The following CDCA4 variants were observed in gnomAD, a reference collection of about 807,000 sequenced individuals.
CDCA4 encodes cell division cycle associated 4, also known as cell division cycle-associated protein 4.
For synonymous variants in CDCA4, 130 were observed against 137.0 expected, an observed-to-expected ratio of 0.95 and a Z score of 0.36; for missense variants, 294 against 322.1, an observed-to-expected ratio of 0.91 and a Z score of 0.67.
At chr14:105,017,356 G>A in intron 1 of CDCA4, among the ~76,000 whole-genome samples, 1 of 152,094 alleles carries the variant, frequency 6.6e-6, no homozygotes, top group South Asian at 2.1e-4. Flanking sequence ...CCGAGTAGCT[G>A]GGATTATAGG....
intron 1 of CDCA4, among the ~76,000 whole-genome samples, chr14:105,012,770 G>A (rs1269619718): frequency 2.0e-5 from 3 of 151,764 alleles, no homozygotes; most frequent in Non-Finnish European, 2.9e-5. Flanking sequence ...TTTCTCCCAA[G>A]GTGCACAGGC....
At chr14:105,019,714 G>GT (rs35462602) in intron 1 of CDCA4, among the ~76,000 whole-genome samples, 111 of 151,670 alleles carry the variant, frequency 7.3e-4, no homozygotes, top group Admixed American at 1.2e-3. Context: ...CAGGTATTTG[G>GT]TTTTTTTTGT....
intron 1 of CDCA4, among the ~76,000 whole-genome samples, chr14:105,020,159 G>A (rs1188609157): frequency 6.6e-6 from 1 of 152,196 alleles, no homozygotes; most frequent in Non-Finnish European, 1.5e-5. Flanking sequence ...AACTCACTTT[G>A]TATTCTGGAT....
rs1013183597 is a variant in CDCA4 at position 105,010,061 on chromosome 14, A to G, written c.*1143T>C. On this transcript the variant is annotated 3_prime_UTR_variant, in exon 2 of 2. Coordinates refer to ENST00000336219, the MANE Select transcript of CDCA4 (RefSeq NM_017955.4). The stretch of plus-strand genomic sequence containing the variant: ...GTGAGGAAGTTAGAGAAAGCATGAG[A>G]AACAGGGAGCATGTGGGGTGAGGCG... The G allele has an allele frequency of 6.6e-6, 1 of 152,614 alleles. No homozygotes were observed. The highest frequency in any genetic ancestry group is 1.5e-5 in the Non-Finnish European group (1 of 68,070). 9.5% of individuals were successfully genotyped at this position (152,614 alleles called of 1,614,324 possible).
intron 1 of CDCA4, among the ~76,000 whole-genome samples, chr14:105,020,564 G>A (rs1176742329): frequency 6.6e-6 from 1 of 152,180 alleles, no homozygotes; most frequent in Admixed American, 6.5e-5. Flanking sequence ...CCACATCCGC[G>A]GCCCTCTCCG....
At chr14:105,016,180 C>T (rs1206098974) in intron 1 of CDCA4, among the ~76,000 whole-genome samples, 2 of 152,216 alleles carry the variant, frequency 1.3e-5, no homozygotes, top group Non-Finnish European at 2.9e-5. Context: ...CCACAGCTCA[C>T]CATAGACAAT....
At chr14:105,015,961 G>A (rs1900642679) in intron 1 of CDCA4, among the ~76,000 whole-genome samples, 2 of 152,174 alleles carry the variant, frequency 1.3e-5, no homozygotes, top group Admixed American at 1.3e-4. Flanking sequence ...TGCCAGGCCA[G>A]GAGCCCCACT....
At chr14:105,015,724 G>A (rs1476210003) in intron 1 of CDCA4, among the ~76,000 whole-genome samples, 1 of 151,860 alleles carries the variant, frequency 6.6e-6, no homozygotes, top group Non-Finnish European at 1.5e-5. Context: ...GAGTGCAGTG[G>A]CGCAATCTCA....
chr14:105,019,964 A>T (rs536820806), intron 1 of CDCA4, among the ~76,000 whole-genome samples: 57 of 152,328 alleles, frequency 3.7e-4, no homozygotes, highest in African/African-American at 1.4e-3. Flanking sequence ...CCACCCGCCT[A>T]GGCCTCCTCT....
chr14:105,018,964 T>C (rs2140912126), intron 1 of CDCA4, among the ~76,000 whole-genome samples: 1 of 152,202 alleles, frequency 6.6e-6, no homozygotes, highest in South Asian at 2.1e-4. Flanking sequence ...CTCGAACTCC[T>C]GAACTCAGGC....
In CDCA4 at chr14:105,011,011, C is replaced by T. The variant is rs1885938626; in HGVS notation, c.*193G>A. On this transcript the variant is annotated 3_prime_UTR_variant, in exon 2 of 2. Coordinates refer to ENST00000336219, the MANE Select transcript of CDCA4 (RefSeq NM_017955.4). ...GCCTTCCAGAACAGCCTCTGCCTGG[C>T]GCTCCACAGGGGGGAGGTGAGTGGG... The T allele has an allele frequency of 4.6e-6, 3 of 651,222 alleles. No homozygotes were observed. Among genetic ancestry groups the T allele is most frequent in the East Asian group, 2.8e-5 (1 of 35,918 alleles). The allele number at this position is 651,222 out of a possible 1,614,324, so 40.3% of individuals were successfully genotyped here.
chr14:105,011,201 T>C lies in CDCA4; in HGVS notation c.*3A>G, dbSNP rs1474009417. On this transcript the variant is annotated 3_prime_UTR_variant, in exon 2 of 2. Coordinates refer to ENST00000336219, the MANE Select transcript of CDCA4 (RefSeq NM_017955.4). ...GGCGGCTGTGAGCACTCAGGGCTCCTGCTCAGGTCTCCACCAGGATCTCCA... is the reference window on the plus strand; with the variant it reads ...GGCGGCTGTGAGCACTCAGGGCTCCCGCTCAGGTCTCCACCAGGATCTCCA... 2 of 1,603,278 alleles carry C rather than the reference T, an allele frequency of 1.2e-6. No homozygotes were observed. Among genetic ancestry groups the C allele is most frequent in the Non-Finnish European group, 1.7e-6 (2 of 1,174,532 alleles).
intron 1 of CDCA4, among the ~76,000 whole-genome samples, chr14:105,015,927 TGGGACTACA>T (rs1900641144): frequency 1.3e-5 from 2 of 151,818 alleles, no homozygotes; most frequent in Admixed American, 1.3e-4. Flanking sequence ...CCCAAAGTGC[TGGGACTACA>T]GGCGTCAGCC....
In CDCA4 at chr14:105,011,090, A is replaced by C. The variant is rs1900485294; in HGVS notation, c.*114T>G. ...AATGGGCTGTTCTGGGATTTCTCAGAATCAGCAGACAGGGCAGCAAGGCTG... is the reference window on the plus strand; with the variant it reads ...AATGGGCTGTTCTGGGATTTCTCAGCATCAGCAGACAGGGCAGCAAGGCTG... On this transcript the variant is annotated 3_prime_UTR_variant, in exon 2 of 2. Coordinates refer to ENST00000336219, the MANE Select transcript of CDCA4 (RefSeq NM_017955.4). 1.6e-6 allele frequency: 2 copies of C among 1,272,708 alleles called. No homozygotes were observed. The highest frequency in any genetic ancestry group is 2.7e-5 in the Admixed American group (1 of 36,412). The allele number at this position is 1,272,708 out of a possible 1,614,324, so 78.8% of individuals were successfully genotyped here. A position where few individuals can be genotyped will look rare whatever the true frequency, so the allele number is the denominator to read the frequency against.
At position 105,012,940 on chromosome 14, in the gene CDCA4, C is replaced by T. The variant is rs576176702; in HGVS notation, c.-6-1005G>A. Among the ~76,000 whole-genome samples, 82 of 141,864 alleles carry T rather than the reference C, an allele frequency of 5.8e-4. 1 individual carries two copies. The highest frequency in any genetic ancestry group is 1.9e-3 in the African/African-American group (73 of 39,356). The allele number at this position is 141,864 out of a possible 152,430, so 93.1% of individuals were successfully genotyped here. On this transcript the variant is annotated intron_variant, in intron 1 of 1. Coordinates refer to ENST00000336219, the MANE Select transcript of CDCA4 (RefSeq NM_017955.4). ...AAACATGGCAGGGTATGTGTGTGTC[C>T]GGGGCAGGGGGGGTGGGTTCCTCAC...
Position 105,012,805 on chromosome 14 carries a change from C to T in CDCA4, c.-6-870G>A, listed in dbSNP as rs554623471. Among the ~76,000 whole-genome samples the T allele has an allele frequency of 2.6e-5, 4 of 152,304 alleles. No homozygotes were observed. In the South Asian group the frequency reaches 8.3e-4, roughly 32 times the overall value. On this transcript the variant is annotated intron_variant, in intron 1 of 1. Coordinates refer to ENST00000336219, the MANE Select transcript of CDCA4 (RefSeq NM_017955.4). ...CTCTGCCTGGCTGCTTTCTACTTGA[C>T]ATCTCTCAGGTCAATGCCCTCCACT...
chr14:105,011,855 C>T lies in CDCA4; in HGVS notation c.75G>A (p.Lys25=). The T allele has an allele frequency of 6.2e-7, 1 of 1,613,954 alleles. No homozygotes were observed. The highest frequency in any genetic ancestry group is 8.5e-7 in the Non-Finnish European group (1 of 1,180,030). ...GCTGCAGGCTGTATGAGGACACTGTCTTCAAGCCGGCCAGGGCTCCCTCCA... is the reference window on the plus strand; with the variant it reads ...GCTGCAGGCTGTATGAGGACACTGTTTTCAAGCCGGCCAGGGCTCCCTCCA... The part of the protein sequence containing the change: ...EDVEGALAGL[K]TVSSYSLQRQ... The change falls in exon 2 of 2, where the codon AAG becomes AAA. Residue 25 remains lysine (K), a synonymous_variant. Transcript: ENST00000336219.
At position 105,010,986 on chromosome 14, in the gene CDCA4, G is replaced by A; in HGVS notation, c.*218C>T. On this transcript the variant is annotated 3_prime_UTR_variant, in exon 2 of 2. Coordinates refer to ENST00000336219, the MANE Select transcript of CDCA4 (RefSeq NM_017955.4). Reference sequence around the variant, plus strand: ...CTGTGGGGACGTCAGAAGACAAGAAGCCTTCCAGAACAGCCTCTGCCTGGC... The same window carrying A: ...CTGTGGGGACGTCAGAAGACAAGAAACCTTCCAGAACAGCCTCTGCCTGGC... 1 of 594,038 alleles carries A rather than the reference G, an allele frequency of 1.7e-6. No homozygotes were observed. The highest frequency in any genetic ancestry group is 2.9e-5 in the East Asian group (1 of 35,036). 36.8% of individuals were successfully genotyped at this position (594,038 alleles called of 1,614,324 possible).
Position 105,011,403 on chromosome 14 carries a change from C to T in CDCA4, c.527G>A (p.Cys176Tyr), listed in dbSNP as rs1211441862. 5 of 1,614,236 alleles carry T rather than the reference C, an allele frequency of 3.1e-6. No homozygotes were observed. The highest frequency in any genetic ancestry group is 1.3e-5 in the African/African-American group (1 of 75,076). The change falls in exon 2 of 2, where the codon TGC becomes TAC. Residue 176 changes from cysteine to tyrosine, a missense_variant. Coordinates refer to ENST00000336219, the MANE Select transcript of CDCA4 (RefSeq NM_017955.4). ...FETLETKNPS[C>Y]MEELFSDVDS... ...CACGTCTGAGAACAGCTCTTCCATGCAGCTGGGGTTTTTAGTCTCCAGCGT... is the reference window on the plus strand; with the variant it reads ...CACGTCTGAGAACAGCTCTTCCATGTAGCTGGGGTTTTTAGTCTCCAGCGT...
Sources: allele counts gnomAD v4.1 joint callset (sites outside exome capture counted in the v4.1 genomes callset), GRCh38; gene constraint gnomAD v4.1.1; transcripts MANE v1.5; gene names NCBI Gene and HGNC (gene_info 2026-07-23, HGNC 2026-07-21).